ATP8A2: variants seen among roughly 807,000 people sequenced by gnomAD.
ATP8A2 encodes ATPase phospholipid transporting 8A2, also known as phospholipid-transporting ATPase IB.
Under a neutral mutation model 165.6 loss-of-function variants are expected in ATP8A2, and 100 were observed. That is an observed-to-expected ratio of 0.60 (90% CI 0.51 to 0.71). The LOEUF is 0.71. Among genes scored for constraint, ATP8A2 ranks in the 30% least tolerant of loss-of-function variants. The pLI, the probability that ATP8A2 is intolerant of heterozygous loss-of-function variation, is 0.00. For synonymous variants in ATP8A2, 543 were observed against 548.8 expected (o/e 0.99, Z 0.15); for missense variants, 1,227 against 1,479.5 (o/e 0.83, Z 2.80).
At chr13:25,543,248 T>C (rs759999419) in intron 9 of ATP8A2, 43 bp from the exon 10 acceptor site, 22 of 1,280,352 alleles carry the variant, frequency 1.7e-5, no homozygotes, top group Non-Finnish European at 2.4e-5. Flanking sequence ...CATGCTTATT[T>C]TCCAGACTAT....
chr13:25,980,097 A>T (rs193022500), intron 35 of ATP8A2, among the ~76,000 whole-genome samples: 1 of 152,314 alleles, frequency 6.6e-6, no homozygotes, highest in Admixed American at 6.5e-5. Flanking sequence ...GGGGTAATTT[A>T]TCAAGCATGG....
chr13:25,860,109 C>T (rs1267184735), intron 30 of ATP8A2, 86 bp from the exon 31 acceptor site: 4 of 798,964 alleles, frequency 5.0e-6, no homozygotes, highest in Non-Finnish European at 8.5e-6. Context: ...ATTGATGTTC[C>T]TAAAGTTCCC....
chr13:25,588,727 G>A (rs2039988411), intron 23 of ATP8A2, among the ~76,000 whole-genome samples: 1 of 152,222 alleles, frequency 6.6e-6, no homozygotes, highest in African/African-American at 2.4e-5. Context: ...TTTTCTCAAT[G>A]AGAGAGATTG....
At chr13:25,586,758 T>C (rs2039932852) in intron 23 of ATP8A2, among the ~76,000 whole-genome samples, 1 of 152,218 alleles carries the variant, frequency 6.6e-6, no homozygotes, top group African/African-American at 2.4e-5. Context: ...CCTGACTTTT[T>C]CAAAAATGTC....
chr13:25,819,947 A>G (rs1404327059), intron 27 of ATP8A2, among the ~76,000 whole-genome samples: 1 of 152,218 alleles, frequency 6.6e-6, no homozygotes, highest in Admixed American at 6.5e-5. Flanking sequence ...TTCAGTAAGA[A>G]ACCATATGTT....
Position 25,745,803 on chromosome 13 carries a change from C to T in ATP8A2, c.2385-23243C>T, listed in dbSNP as rs1260263592. On this transcript the variant is annotated intron_variant, in intron 25 of 36. Transcript: ENST00000381655. ...TTCTTTAAGTAAGATTACTTTTAAG[C>T]AAGCAAACAAAAACCACCTGAGTTT... 2.0e-5 allele frequency among the ~76,000 whole-genome samples: 3 copies of T among 152,188 alleles called. No homozygotes were observed. In the East Asian group the frequency reaches 5.8e-4, roughly 29 times the overall value.
intron 35 of ATP8A2, among the ~76,000 whole-genome samples, chr13:26,007,838 G>C (rs1182919663): frequency 6.6e-6 from 1 of 152,166 alleles, no homozygotes; most frequent in East Asian, 1.9e-4. Context: ...GAACAGCTTA[G>C]TCCCATGTGA....
intron 2 of ATP8A2, among the ~76,000 whole-genome samples, chr13:25,505,367 T>C (rs890359595): frequency 1.3e-5 from 2 of 152,214 alleles, no homozygotes; most frequent in Non-Finnish European, 2.9e-5. Context: ...ATTATTTTCT[T>C]TCTTGCTTTT....
chr13:25,853,638 C>A (rs761448013), intron 30 of ATP8A2, among the ~76,000 whole-genome samples: 1 of 152,038 alleles, frequency 6.6e-6, no homozygotes, highest in Non-Finnish European at 1.5e-5. Flanking sequence ...GCCTGCTAAC[C>A]CTTTTGTCTG....
chr13:25,990,860 G>A lies in ATP8A2; in HGVS notation c.3378-21671G>A, dbSNP rs75608622. ...CCCAGGCCTTTTCAACCCGTGGCAC[G>A]GCATTTTGCTTGGGGTCTCTCCAGG... On this transcript the variant is annotated intron_variant, in intron 35 of 36. Coordinates refer to ENST00000381655, the MANE Select transcript of ATP8A2 (RefSeq NM_016529.6). Among the ~76,000 whole-genome samples the A allele has an allele frequency of 8.2e-3, 1,251 of 152,192 alleles. 12 individuals are homozygous for A. Among genetic ancestry groups the A allele is most frequent in the African/African-American group, 0.028 (1,151 of 41,506 alleles).
chr13:25,657,262 T>A (rs1435199965), intron 24 of ATP8A2, among the ~76,000 whole-genome samples: 3 of 152,032 alleles, frequency 2.0e-5, no homozygotes, highest in Non-Finnish European at 4.4e-5. Context: ...TATCCTCTTT[T>A]GCCTTGTCTG....
chr13:25,520,868 C>T (rs1041296866), intron 2 of ATP8A2, among the ~76,000 whole-genome samples: 1 of 152,252 alleles, frequency 6.6e-6, no homozygotes, highest in African/African-American at 2.4e-5. Flanking sequence ...CCCGCCTTGG[C>T]CTCCCAAAGT....
At chr13:25,760,405 A>C (rs1300204556) in intron 25 of ATP8A2, among the ~76,000 whole-genome samples, 1 of 152,238 alleles carries the variant, frequency 6.6e-6, no homozygotes. Context: ...GGACATTATT[A>C]GAGCCTGAAA....
chr13:25,515,935 G>C (rs908247238), intron 2 of ATP8A2, among the ~76,000 whole-genome samples: 1 of 152,136 alleles, frequency 6.6e-6, no homozygotes, highest in Non-Finnish European at 1.5e-5. Context: ...TGCTATATAC[G>C]CATGATAAAC....
intron 27 of ATP8A2, among the ~76,000 whole-genome samples, chr13:25,793,225 G>A (rs2045227939): frequency 6.6e-6 from 1 of 152,182 alleles, no homozygotes; most frequent in African/African-American, 2.4e-5. Context: ...CCTGCATAAA[G>A]TGATCAAGTG....
chr13:25,655,875 G>C (rs74492557), intron 24 of ATP8A2, among the ~76,000 whole-genome samples: 1 of 152,120 alleles, frequency 6.6e-6, no homozygotes, highest in African/African-American at 2.4e-5. Flanking sequence ...AGAAATATTC[G>C]TGTGCAAATG....
At chr13:25,812,094 T>A (rs1304565513) in intron 27 of ATP8A2, among the ~76,000 whole-genome samples, 1 of 152,058 alleles carries the variant, frequency 6.6e-6, no homozygotes, top group African/African-American at 2.4e-5. Flanking sequence ...CTCTTTAAAT[T>A]ACGTAAATAA....
chr13:25,527,005 C>T (rs1010294653), intron 2 of ATP8A2, among the ~76,000 whole-genome samples: 7 of 151,870 alleles, frequency 4.6e-5, no homozygotes, highest in African/African-American at 1.7e-4. Flanking sequence ...TGTGGATGTC[C>T]CCTTCTCTTA....
At chr13:25,602,866 T>C (rs943776556) in intron 24 of ATP8A2, among the ~76,000 whole-genome samples, 2 of 151,494 alleles carry the variant, frequency 1.3e-5, no homozygotes, top group African/African-American at 2.4e-5. Context: ...GGTCAGGAGT[T>C]CAAGACCAGC....
Sources: allele counts gnomAD v4.1 joint callset (sites outside exome capture counted in the v4.1 genomes callset), GRCh38; gene constraint gnomAD v4.1.1; transcripts MANE v1.5; gene names NCBI Gene and HGNC (gene_info 2026-07-23, HGNC 2026-07-21).